The following BAHCC1 variants were observed in gnomAD, a reference collection of about 807,000 sequenced individuals.
BAHCC1 encodes BAH domain and coiled-coil containing 1, also known as BAH and coiled-coil domain-containing protein 1.
A neutral mutation model predicts 88.2 loss-of-function variants in BAHCC1; 43 were observed. The ratio of observed to expected loss-of-function variants is 0.49; its 90% CI spans 0.38 to 0.63. BAHCC1 has a LOEUF of 0.63. BAHCC1 is among the 20% of genes least tolerant of loss of function. BAHCC1 has a pLI of 0.00. For missense variants in BAHCC1, 3,023 were observed against 1,654.8 expected, an observed-to-expected ratio of 1.83 and a Z score of -14.34; for synonymous variants, 1,510 against 745.5, an observed-to-expected ratio of 2.03 and a Z score of -16.71.
At chr17:81,428,348 G>T (rs1030892827) in intron 3 of BAHCC1, among the ~76,000 whole-genome samples, 26 of 152,346 alleles carry the variant, frequency 1.7e-4, no homozygotes, top group African/African-American at 5.5e-4. Flanking sequence ...GGAGGGAGGA[G>T]GGTGGCCTGG....
chr17:81,452,524 G>T (rs1404500718), intron 13 of BAHCC1, among the ~76,000 whole-genome samples, 199 bp from the exon 14 acceptor site: 3 of 151,900 alleles, frequency 2.0e-5, no homozygotes, highest in Admixed American at 6.5e-5. Flanking sequence ...ACCAGTGTGT[G>T]TGGATGGTAG....
Position 81,399,800 on chromosome 17 carries a change from C to CACCGCAGCGCCGCT in BAHCC1, c.62_75dup (p.Ala26ThrfsTer44). Reference sequence around the variant, plus strand: ...GCTGTCGGAGCGCGGGAGCCTGGGCCACCGCAGCGCCGCTGCCGCCGCGCG... The same window carrying CACCGCAGCGCCGCT: ...GCTGTCGGAGCGCGGGAGCCTGGGCCACCGCAGCGCCGCTACCGCAGCGCCGCTGCCGCCGCGCG... On this transcript the variant is annotated frameshift_variant, in exon 2 of 28. Coordinates refer to ENST00000675386, the MANE Select transcript of BAHCC1 (RefSeq NM_001377448.1). LOFTEE classifies it high-confidence loss of function. The surrounding 1 kb of genome is among the most constrained non-coding windows in gnomAD (Gnocchi z 4.5). 7.9e-7 allele frequency: 1 copy of CACCGCAGCGCCGCT among 1,271,080 alleles called. No individual in the cohort carries two copies. The highest frequency in any genetic ancestry group is 9.9e-7 in the Non-Finnish European group (1 of 1,011,544). The allele number at this position is 1,271,080 out of a possible 1,614,324, so 78.7% of individuals were successfully genotyped here.
In BAHCC1 at chr17:81,457,460, C is replaced by T. The variant is rs1555657588; in HGVS notation, c.4909C>T (p.Pro1637Ser). 1 of 772,192 alleles carries T rather than the reference C, an allele frequency of 1.3e-6. No homozygotes were observed. The highest frequency in any genetic ancestry group is 2.4e-6 in the Non-Finnish European group (1 of 414,806). The allele number at this position is 772,192 out of a possible 1,614,324, so 47.8% of individuals were successfully genotyped here. Reference sequence around the variant, plus strand: ...CGAGGGTCTCCTGGGGACAGAGGCACCACCCAGGGAAGCAGGGCTGCTGCT... The same window carrying T: ...CGAGGGTCTCCTGGGGACAGAGGCATCACCCAGGGAAGCAGGGCTGCTGCT... ...DCEGLLGTEAPPREAGLLLHT... is the reference protein window; with the variant it reads ...DCEGLLGTEASPREAGLLLHT... Residue 1637 changes from proline (P) to serine (S), a missense_variant, in exon 17 of 28, where the codon CCA becomes TCA. By Grantham distance (74) the Pro-to-Ser change is moderately conservative. Transcript: ENST00000675386.
chr17:81,416,616 G>A (rs904445991), intron 2 of BAHCC1, among the ~76,000 whole-genome samples: 2 of 150,908 alleles, frequency 1.3e-5, no homozygotes, highest in Non-Finnish European at 3.0e-5. Flanking sequence ...ATGTACGTGT[G>A]TGTGTCCATG....
At chr17:81,462,681 G>A (rs887372844) in intron 26 of BAHCC1, 59 bp from the exon 27 acceptor site, 9 of 706,168 alleles carry the variant, frequency 1.3e-5, no homozygotes, top group Non-Finnish European at 1.8e-5. Flanking sequence ...CCTCCTGGCC[G>A]CCACCTGTCC....
chr17:81,416,592 T>TG (rs1555648785), intron 2 of BAHCC1, among the ~76,000 whole-genome samples: 15 of 110,946 alleles, frequency 1.4e-4, no homozygotes, highest in Admixed American at 1.0e-4. Flanking sequence ...TCCGTGAGGA[T>TG]GGTGTATGCG....
chr17:81,450,408 G>T (rs1306988643), intron 11 of BAHCC1, among the ~76,000 whole-genome samples: 3 of 152,194 alleles, frequency 2.0e-5, no homozygotes, highest in African/African-American at 7.2e-5. Context: ...GCTGGCCCAT[G>T]CTCTGACCCC....
At chr17:81,403,481 CA>C (rs61540149) in intron 2 of BAHCC1, among the ~76,000 whole-genome samples, 100,751 of 141,628 alleles carry the variant, frequency 0.71, 35,792 homozygotes, top group East Asian at 0.91. Context: ...CCGCCAATCT[CA>C]AAAAAAAAAA....
At chr17:81,444,132 C>T in intron 6 of BAHCC1, 1 of 602,636 alleles carries the variant, frequency 1.7e-6, no homozygotes, top group South Asian at 2.0e-5. Flanking sequence ...AGGTTACCCA[C>T]TTTCAGGGGC....
intron 2 of BAHCC1, among the ~76,000 whole-genome samples, chr17:81,424,518 G>A (rs912824967): frequency 6.6e-6 from 1 of 152,212 alleles, no homozygotes; most frequent in Non-Finnish European, 1.5e-5. Flanking sequence ...GATGGTGGTG[G>A]TGGCGAGTGA....
chr17:81,399,853 GC>G lies in BAHCC1; in HGVS notation c.120del (p.Ala41HisfsTer24). The G allele has an allele frequency of 4.3e-6, 6 of 1,400,390 alleles. No individual in the cohort carries two copies. Among genetic ancestry groups the G allele is most frequent in the South Asian group, 1.5e-5 (1 of 65,848 alleles). 86.7% of individuals were successfully genotyped at this position (1,400,390 alleles called of 1,614,324 possible). On this transcript the variant is annotated frameshift_variant, in exon 2 of 28. Transcript: ENST00000675386. LOFTEE classifies it high-confidence loss of function. This position sits in a 1 kb window ranked among gnomAD's most constrained non-coding sequence, Gnocchi z 4.5. Reference sequence around the variant, plus strand: ...TCGCCCCGGCTGGGCCCGCCGCGCAGCCCCCCGCACACTTCCAGCCGGGAAA... The same window carrying G: ...TCGCCCCGGCTGGGCCCGCCGCGCAGCCCCCGCACACTTCCAGCCGGGAAA... ...RLAPAGPAAQ[P>X]PAHFQPGKYF...
In BAHCC1 at chr17:81,422,134, C is replaced by A. The variant is rs1418293547; in HGVS notation, c.179-4666C>A. ...TCAAGCAATTCTCCCGCCTCAGCCTCCCAAATAGCTGGGATTACAGGTGCG... is the reference window on the plus strand; with the variant it reads ...TCAAGCAATTCTCCCGCCTCAGCCTACCAAATAGCTGGGATTACAGGTGCG... On this transcript the variant is annotated intron_variant, in intron 2 of 27. Coordinates refer to ENST00000675386, the MANE Select transcript of BAHCC1 (RefSeq NM_001377448.1). 5.3e-5 allele frequency among the ~76,000 whole-genome samples: 8 copies of A among 152,158 alleles called. 1 individual carries two copies. The highest frequency in any genetic ancestry group is 5.2e-4 in the Admixed American group (8 of 15,272).
chr17:81,449,314 C>T (rs2064591097), intron 11 of BAHCC1, among the ~76,000 whole-genome samples: 1 of 152,086 alleles, frequency 6.6e-6, no homozygotes, highest in Admixed American at 6.5e-5. Context: ...CCCCTTGTCC[C>T]CGTTAATGGG....
intron 2 of BAHCC1, among the ~76,000 whole-genome samples, chr17:81,421,345 G>C (rs997845401): frequency 2.6e-5 from 4 of 152,254 alleles, no homozygotes; most frequent in East Asian, 3.9e-4. Context: ...TCGGCGGGGG[G>C]GCTGGGGAGG....
chr17:81,454,933 G>A (rs1270551315), intron 14 of BAHCC1, among the ~76,000 whole-genome samples: 2 of 152,234 alleles, frequency 1.3e-5, no homozygotes, highest in Non-Finnish European at 2.9e-5. Context: ...CTGCCAGGGC[G>A]TTCCTTCCTA....
rs990030075 is a variant in BAHCC1, at chr17:81,434,016, C to T, written c.359-4354C>T. Among the ~76,000 whole-genome samples the T allele has an allele frequency of 1.1e-4, 17 of 152,220 alleles. No homozygotes were observed. The South Asian group carries it at 3.5e-3, about 32-fold the overall frequency. On this transcript the variant is annotated intron_variant, in intron 3 of 27. Coordinates refer to ENST00000675386, the MANE Select transcript of BAHCC1 (RefSeq NM_001377448.1). The surrounding 1 kb of genome is among the most constrained non-coding windows in gnomAD (Gnocchi z 4.9). ...GCAGGGACGTCCTGCGTGACAGGGA[C>T]GATGTGCAGAACCTCAAGAGGAGCA... is the stretch of plus-strand genomic sequence containing the variant.
At chr17:81,418,796 C>CACGCAT (rs1555649103) in intron 2 of BAHCC1, among the ~76,000 whole-genome samples, 1 of 144,800 alleles carries the variant, frequency 6.9e-6, no homozygotes, top group Non-Finnish European at 1.5e-5. Flanking sequence ...TACGTGTGTG[C>CACGCAT]GTGTGTGTGT....
intron 4 of BAHCC1, among the ~76,000 whole-genome samples, chr17:81,438,946 G>T (rs899129887): frequency 3.3e-5 from 5 of 152,220 alleles, no homozygotes; most frequent in Admixed American, 1.3e-4. Context: ...CTAGACCTGG[G>T]CTGCACGAGG....
rs557916452 is a variant in BAHCC1 at position 81,461,487 on chromosome 17, C to T, written c.6824C>T (p.Ala2275Val). The T allele has an allele frequency of 1.2e-4, 91 of 743,962 alleles. No homozygotes were observed. Among genetic ancestry groups the T allele is most frequent in the African/African-American group, 1.1e-3 (65 of 58,640 alleles). The allele number at this position is 743,962 out of a possible 1,614,324, so 46.1% of individuals were successfully genotyped here. ...ATGGGGCTGGCGCTGCGCAAGTACG[C>T]GGGCCAGGCAGAGTTCCCGCTGCCC... ...LPMGLALRKYAGQAEFPLPYD... is the reference protein window; with the variant it reads ...LPMGLALRKYVGQAEFPLPYD... The change falls in exon 26 of 28, where the codon GCG becomes GTG. Residue 2275 changes from alanine to valine, a missense_variant. Transcript: ENST00000675386.
Sources: gnomAD v4.1 joint callset for allele counts (sites outside exome capture counted in the v4.1 genomes callset) on GRCh38, gnomAD v4.1.1 for gene constraint, Gnocchi (gnomAD v3.1) non-coding constraint, MANE v1.5 for transcripts, NCBI Gene and HGNC (gene_info 2026-07-23, HGNC 2026-07-21) for gene names.